Variants in COL25A1 observed in about 807,000 individuals in gnomAD.
COL25A1 encodes collagen type XXV alpha 1 chain, also known as collagen alpha-1(XXV) chain.
In COL25A1, 103 loss-of-function variants were observed where a neutral mutation model predicts 128.4. The ratio of observed to expected loss-of-function variants is 0.80; its 90% CI spans 0.68 to 0.94. COL25A1 has a LOEUF of 0.94. Among genes scored for constraint, COL25A1 ranks in the 40% least tolerant of loss-of-function variants. The pLI, the probability that COL25A1 is intolerant of heterozygous loss-of-function variation, is 0.00. For synonymous variants in COL25A1, 279 were observed against 277.2 expected (o/e 1.01, Z -0.06); for missense variants, 745 against 840.0 (o/e 0.89, Z 1.40).
chr4:108,966,237 C>T (rs1403747288), intron 8 of COL25A1, among the ~76,000 whole-genome samples: 1 of 144,294 alleles, frequency 6.9e-6, no homozygotes, highest in African/African-American at 2.6e-5. Flanking sequence ...GGGGGTATTA[C>T]TATATGGCCA....
intron 8 of COL25A1, among the ~76,000 whole-genome samples, chr4:108,947,976 A>G (rs1303073741): frequency 6.6e-6 from 1 of 152,218 alleles, no homozygotes; most frequent in Non-Finnish European, 1.5e-5. Context: ...AAATACTATC[A>G]TGATTCTGTT....
intron 13 of COL25A1, among the ~76,000 whole-genome samples, chr4:108,907,786 A>G (rs527611592): frequency 6.8e-6 from 1 of 145,992 alleles, no homozygotes; most frequent in South Asian, 2.5e-4. Context: ...TAATTTTCAC[A>G]TAAAATAGTA....
intron 3 of COL25A1, among the ~76,000 whole-genome samples, chr4:109,224,245 G>C (rs1778620431): frequency 6.6e-6 from 1 of 152,104 alleles, no homozygotes; most frequent in African/African-American, 2.4e-5. Flanking sequence ...ATGGGGGTTT[G>C]ATCAACCAGG....
chr4:108,986,186 A>T (rs1158662797), intron 6 of COL25A1, among the ~76,000 whole-genome samples: 1 of 152,050 alleles, frequency 6.6e-6, no homozygotes, highest in African/African-American at 2.4e-5. Flanking sequence ...TACCTCTTCT[A>T]CTCCATCCTA....
rs182126733 is a variant in COL25A1 at position 108,868,449 on chromosome 4, A to C, written c.1083+639T>G. 1.8e-3 allele frequency among the ~76,000 whole-genome samples: 267 copies of C among 151,946 alleles called. 3 individuals carry two copies. Among genetic ancestry groups the C allele is most frequent in the African/African-American group, 6.2e-3 (256 of 41,422 alleles). ...ATTTCTTTCAACATAGTGGACTAAA[A>C]ATATATGACAAAGATTTCAGAAAGA... On this transcript the variant is annotated intron_variant, in intron 20 of 37. Transcript: ENST00000399132.
intron 3 of COL25A1, among the ~76,000 whole-genome samples, chr4:109,153,106 C>T (rs1347197206): frequency 1.3e-5 from 2 of 152,044 alleles, no homozygotes; most frequent in Non-Finnish European, 1.5e-5. Flanking sequence ...GTACTCTGGG[C>T]CGGGCGCAGT....
At chr4:108,983,242 A>G (rs553238725) in intron 6 of COL25A1, among the ~76,000 whole-genome samples, 43 of 152,246 alleles carry the variant, frequency 2.8e-4, no homozygotes, top group African/African-American at 1.0e-3. Flanking sequence ...ATGGTGAAAG[A>G]CTTGGAATCC....
At chr4:109,061,931 G>A (rs910150399) in intron 3 of COL25A1, among the ~76,000 whole-genome samples, 5 of 152,092 alleles carry the variant, frequency 3.3e-5, no homozygotes, top group South Asian at 2.1e-4. Context: ...AACTACAGAC[G>A]GGCCAATCCA....
chr4:109,180,439 G>A (rs1774519387), intron 3 of COL25A1, among the ~76,000 whole-genome samples: 1 of 152,000 alleles, frequency 6.6e-6, no homozygotes, highest in Non-Finnish European at 1.5e-5. Flanking sequence ...TAGAGAGTTG[G>A]ACAAGCTACC....
At chr4:108,971,339 C>T (rs1035027989) in intron 8 of COL25A1, among the ~76,000 whole-genome samples, 1 of 152,054 alleles carries the variant, frequency 6.6e-6, no homozygotes, top group Non-Finnish European at 1.5e-5. Context: ...AGAGAAGAAC[C>T]TTGCTTTTAT....
chr4:108,893,422 G>C (rs1242021697), intron 16 of COL25A1, among the ~76,000 whole-genome samples: 1 of 152,156 alleles, frequency 6.6e-6, no homozygotes, highest in African/African-American at 2.4e-5. Flanking sequence ...TCCTTCAATA[G>C]TAACTCTACG....
intron 3 of COL25A1, among the ~76,000 whole-genome samples, chr4:109,113,282 A>ATGTGCAAAT (rs1368193176): frequency 6.6e-6 from 1 of 152,102 alleles, no homozygotes; most frequent in Non-Finnish European, 1.5e-5. Context: ...TTTGTCACCA[A>ATGTGCAAAT]TGTGCAAACC....
chr4:108,920,721 T>G, intron 11 of COL25A1, 117 bp from the exon 12 acceptor site: 4 of 591,234 alleles, frequency 6.8e-6, no homozygotes, highest in Non-Finnish European at 1.1e-5. Flanking sequence ...ATGTTGACAT[T>G]TCATATATCA....
intron 3 of COL25A1, among the ~76,000 whole-genome samples, chr4:109,191,278 T>C (rs1775592088): frequency 6.6e-6 from 1 of 152,084 alleles, no homozygotes; most frequent in Non-Finnish European, 1.5e-5. Context: ...TACGTTCTTG[T>C]GGGAAATCAA....
At chr4:109,302,107 A>G in intron 1 of COL25A1, 32 bp from the exon 2 acceptor site, 1 of 1,442,692 alleles carries the variant, frequency 6.9e-7, no homozygotes. Flanking sequence ...GATTCCTCCA[A>G]AGTTCAGTCC....
intron 3 of COL25A1, among the ~76,000 whole-genome samples, chr4:109,236,488 ATAAAACT>A (rs1177575134): frequency 6.6e-6 from 1 of 152,052 alleles, no homozygotes; most frequent in Non-Finnish European, 1.5e-5. Flanking sequence ...AAAAGCTCTC[ATAAAACT>A]TAAGAGTACA....
chr4:108,914,769 T>C (rs1744670365), intron 13 of COL25A1, among the ~76,000 whole-genome samples: 6 of 149,854 alleles, frequency 4.0e-5, no homozygotes, highest in Admixed American at 3.4e-4. Flanking sequence ...TCCTCCCACC[T>C]TGGCCTCCCA....
At chr4:108,883,193 T>C (rs760292148) in intron 19 of COL25A1, among the ~76,000 whole-genome samples, 5 of 151,824 alleles carry the variant, frequency 3.3e-5, no homozygotes, top group African/African-American at 4.8e-5. Flanking sequence ...ACTCAGATAA[T>C]TTTTTTTGTA....
At chr4:108,887,864 A>G (rs537517770) in intron 18 of COL25A1, among the ~76,000 whole-genome samples, 1 of 152,292 alleles carries the variant, frequency 6.6e-6, no homozygotes, top group African/African-American at 2.4e-5. Flanking sequence ...TTAGCAAAAC[A>G]CAGACTTGGA....
Sources: allele counts gnomAD v4.1 joint callset (sites outside exome capture counted in the v4.1 genomes callset), GRCh38; gene constraint gnomAD v4.1.1; transcripts MANE v1.5; gene names NCBI Gene and HGNC (gene_info 2026-07-23, HGNC 2026-07-21).